Variants in ARHGAP21 observed in about 807,000 individuals in gnomAD.
ARHGAP21 encodes Rho GTPase activating protein 21, also known as rho GTPase-activating protein 21.
ARHGAP21 carries 38 observed loss-of-function variants against 164.6 expected under a neutral mutation model. The ratio of observed to expected loss-of-function variants is 0.23; its 90% CI spans 0.18 to 0.30. The LOEUF is 0.30. Among genes scored for constraint, ARHGAP21 ranks in the 10% least tolerant of loss-of-function variants. The probability of loss-of-function intolerance (pLI) is 1.00; values close to 1 mark genes in which losing one functional copy is unlikely to be tolerated. For synonymous variants in ARHGAP21, 766 were observed against 857.9 expected (o/e 0.89, Z 1.87); for missense variants, 1,822 against 2,370.7 (o/e 0.77, Z 4.81).
In ARHGAP21 at chr10:24,721,976, C is replaced by G. The variant is rs1265561603; in HGVS notation, c.-77G>C. 1 of 1,476,660 alleles carries G rather than the reference C, an allele frequency of 6.8e-7. No homozygotes were observed. 91.5% of individuals were successfully genotyped at this position (1,476,660 alleles called of 1,614,324 possible). A position where few individuals can be genotyped will look rare whatever the true frequency, so the allele number is the denominator to read the frequency against. On this transcript the variant is annotated 5_prime_UTR_variant, in exon 2 of 26. Coordinates refer to ENST00000396432, the MANE Select transcript of ARHGAP21 (RefSeq NM_020824.4). ...GTGGCGGGGAATGCCACCACACACC[C>G]GAAGGGGAAGAATTCCACAAGCAGG...
At chr10:24,611,289 T>C (rs1565008158) in intron 9 of ARHGAP21, among the ~76,000 whole-genome samples, 1 of 152,340 alleles carries the variant, frequency 6.6e-6, no homozygotes, top group East Asian at 1.9e-4. Flanking sequence ...CTATGGACTT[T>C]CTCTTCTTAT....
At chr10:24,623,278 C>A (rs1489581128) in intron 7 of ARHGAP21, among the ~76,000 whole-genome samples, 1 of 152,192 alleles carries the variant, frequency 6.6e-6, no homozygotes, top group Admixed American at 6.5e-5. Context: ...AAAATGACTT[C>A]TTTTAAGTAA....
chr10:24,607,958 A>G (rs2077100875), intron 9 of ARHGAP21, 55 bp from the exon 10 acceptor site: 1 of 1,492,674 alleles, frequency 6.7e-7, no homozygotes, highest in Non-Finnish European at 9.0e-7. Context: ...TATTAATAAT[A>G]AAACTCAGTC....
chr10:24,614,157 A>G lies in ARHGAP21; in HGVS notation c.2422+5316T>C, dbSNP rs989788993. Among the ~76,000 whole-genome samples the G allele has an allele frequency of 2.0e-5, 3 of 152,190 alleles. No homozygotes were observed. The East Asian group carries it at 5.8e-4, about 29-fold the overall frequency. On this transcript the variant is annotated intron_variant, in intron 9 of 25. Coordinates refer to ENST00000396432, the MANE Select transcript of ARHGAP21 (RefSeq NM_020824.4). ...ACACAGAAAAGCAGCAAGGGAGTAGAAATGTGGATGACTGAGTAGGGAGGT... is the reference window on the plus strand; with the variant it reads ...ACACAGAAAAGCAGCAAGGGAGTAGGAATGTGGATGACTGAGTAGGGAGGT...
chr10:24,675,845 C>A (rs550197820), intron 2 of ARHGAP21, among the ~76,000 whole-genome samples: 14 of 152,202 alleles, frequency 9.2e-5, no homozygotes, highest in African/African-American at 3.4e-4. Flanking sequence ...TTGTATACAG[C>A]AAATATAAAC....
intron 9 of ARHGAP21, among the ~76,000 whole-genome samples, chr10:24,610,658 AT>A: frequency 6.6e-6 from 1 of 152,308 alleles, no homozygotes; most frequent in Non-Finnish European, 1.5e-5. Context: ...TCTATTTATT[AT>A]TCGTATCTGA....
intron 7 of ARHGAP21, among the ~76,000 whole-genome samples, chr10:24,625,899 G>T (rs536173803): frequency 1.1e-4 from 16 of 152,148 alleles, no homozygotes; most frequent in Non-Finnish European, 2.1e-4. Context: ...ACACCAACTG[G>T]CAGGGTGACT....
Position 24,620,942 on chromosome 10 carries a change from G to A in ARHGAP21, c.953C>T (p.Thr318Ile). Residue 318 changes from threonine to isoleucine, a missense_variant, in exon 9 of 26, where the codon ACA (threonine) becomes ATA (isoleucine). By Grantham distance (89) the Thr-to-Ile change is moderately conservative (BLOSUM62 -1). Transcript: ENST00000396432. Reference sequence around the variant, plus strand: ...GGTGGGAATTGATAATGGTGGTGATGTGGTTCTTGACACTGTTTTTAAAGA... The same window carrying A: ...GGTGGGAATTGATAATGGTGGTGATATGGTTCTTGACACTGTTTTTAAAGA... ...QTSLKTVSRT[T>I]SPPLSIPTTH... 1 of 1,613,986 alleles carries A rather than the reference G, an allele frequency of 6.2e-7. No individual in the cohort carries two copies. Among genetic ancestry groups the A allele is most frequent in the Non-Finnish European group, 8.5e-7 (1 of 1,179,876 alleles).
At chr10:24,674,264 T>G (rs1840996156) in intron 2 of ARHGAP21, among the ~76,000 whole-genome samples, 1 of 152,108 alleles carries the variant, frequency 6.6e-6, no homozygotes. Context: ...CTGGGCACAG[T>G]GGCTCACACC....
intron 4 of ARHGAP21, chr10:24,640,389 G>T (rs1306060961): frequency 6.6e-6 from 1 of 151,776 alleles, no homozygotes; most frequent in African/African-American, 2.4e-5. Context: ...TGCTATTGGA[G>T]AATTTTTTTA....
intron 2 of ARHGAP21, among the ~76,000 whole-genome samples, chr10:24,709,257 T>C (rs1055369976): frequency 6.6e-6 from 1 of 151,992 alleles, no homozygotes; most frequent in African/African-American, 2.4e-5. Flanking sequence ...CAAGGCTCAA[T>C]CAGTAATTTA....
intron 5 of ARHGAP21, among the ~76,000 whole-genome samples, chr10:24,633,883 C>CTTTTTTTTTTTTTTTT (rs3073324): frequency 1.5e-4 from 11 of 75,496 alleles, no homozygotes; most frequent in Non-Finnish European, 2.2e-4. Flanking sequence ...CTTTTTTTCT[C>CTTTTTTTTTTTTTTTT]TTTTTTTTTT....
At chr10:24,641,496 C>A (rs1431964394) in intron 4 of ARHGAP21, among the ~76,000 whole-genome samples, 2 of 152,154 alleles carry the variant, frequency 1.3e-5, no homozygotes, top group African/African-American at 4.8e-5. Context: ...TCTCTGGATA[C>A]TGTCAGTAGA....
chr10:24,717,919 G>A (rs953998692), intron 2 of ARHGAP21, among the ~76,000 whole-genome samples: 1 of 152,152 alleles, frequency 6.6e-6, no homozygotes, highest in African/African-American at 2.4e-5. Context: ...GTAGGGACCG[G>A]GTTTCACCAT....
chr10:24,633,381 T>C, intron 6 of ARHGAP21, 21 bp downstream of exon 6: 1 of 1,548,416 alleles, frequency 6.5e-7, no homozygotes, highest in Non-Finnish European at 8.9e-7. Context: ...TCTTTGGGTT[T>C]TAATGTTTTA....
intron 4 of ARHGAP21, among the ~76,000 whole-genome samples, chr10:24,640,787 GA>G (rs911153702): frequency 1.3e-5 from 2 of 151,154 alleles, no homozygotes; most frequent in Admixed American, 6.6e-5. Context: ...GACTGCCACA[GA>G]AAAAAAACAG....
At chr10:24,723,339 T>G (rs1846118248) in intron 1 of ARHGAP21, 1 of 149,176 alleles carries the variant, frequency 6.7e-6, no homozygotes, top group Admixed American at 6.6e-5. Flanking sequence ...CGCCGGCCTT[T>G]GTGCCCTTCC....
intron 9 of ARHGAP21, among the ~76,000 whole-genome samples, chr10:24,612,856 A>AAAATAAATAAAT (rs71506841): frequency 4.7e-5 from 7 of 150,180 alleles, no homozygotes; most frequent in South Asian, 2.1e-4. Flanking sequence ...CTCTGTTTCA[A>AAAATAAATAAAT]AAATAAATAA....
At chr10:24,709,660 G>A in intron 2 of ARHGAP21, among the ~76,000 whole-genome samples, 1 of 151,696 alleles carries the variant, frequency 6.6e-6, no homozygotes. Context: ...GACTGCTTGA[G>A]GCCAGCAGGT....
Sources: allele counts gnomAD v4.1 joint callset (sites outside exome capture counted in the v4.1 genomes callset), GRCh38; gene constraint gnomAD v4.1.1; transcripts MANE v1.5; gene names NCBI Gene and HGNC (gene_info 2026-07-23, HGNC 2026-07-21).